The following NEK7 variants were observed in gnomAD, a reference collection of about 807,000 sequenced individuals.
The protein encoded by NEK7 is NIMA related kinase 7.
In NEK7, 18 loss-of-function variants were observed where a neutral mutation model predicts 44.6. The ratio of observed to expected loss-of-function variants is 0.40; its 90% CI spans 0.28 to 0.60. The LOEUF is 0.60. Among genes scored for constraint, NEK7 ranks in the 20% least tolerant of loss-of-function variants. NEK7 has a pLI of 0.38. For missense variants in NEK7, 256 were observed against 366.5 expected (o/e 0.70, Z 2.46); for synonymous variants, 130 against 121.1 (o/e 1.07, Z -0.48).
At position 198,184,840 on chromosome 1, in the gene NEK7, AATTT is replaced by A. The variant is rs543627297; in HGVS notation, c.-29+27590_-29+27593del. Among the ~76,000 whole-genome samples, 6 of 151,724 alleles carry A rather than the reference AATTT, an allele frequency of 4.0e-5. 1 individual carries two copies. The South Asian group carries it at 6.2e-4, about 16-fold the overall frequency. On this transcript the variant is annotated intron_variant, in intron 1 of 9. Transcript: ENST00000367385. ...CACACCACTATGCCTGGCTAATTGA[AATTT>A]ATTTATTTATTTATTTATTTATTTA...
intron 5 of NEK7, among the ~76,000 whole-genome samples, chr1:198,266,332 C>T (rs1653653273): frequency 6.6e-6 from 1 of 152,058 alleles, no homozygotes; most frequent in African/African-American, 2.4e-5. Flanking sequence ...AAATTAGTCC[C>T]TTAAATAGTT....
At chr1:198,222,834 T>C (rs1166127728) in intron 1 of NEK7, among the ~76,000 whole-genome samples, 3 of 149,816 alleles carry the variant, frequency 2.0e-5, no homozygotes, top group Non-Finnish European at 4.4e-5. Flanking sequence ...CAAATTGTTA[T>C]AATTGCTGTG....
At chr1:198,204,913 G>T (rs1665550074) in intron 1 of NEK7, among the ~76,000 whole-genome samples, 1 of 152,080 alleles carries the variant, frequency 6.6e-6, no homozygotes, top group Non-Finnish European at 1.5e-5. Context: ...GCCTGGGAGG[G>T]ATGTTTGTGC....
chr1:198,315,170 A>G (rs1424026671), intron 9 of NEK7, among the ~76,000 whole-genome samples: 1 of 152,180 alleles, frequency 6.6e-6, no homozygotes, highest in Non-Finnish European at 1.5e-5. Flanking sequence ...GGAAAAGCGC[A>G]GTATTCAGGT....
intron 7 of NEK7, among the ~76,000 whole-genome samples, chr1:198,284,154 T>A (rs1654298864): frequency 6.6e-6 from 1 of 152,194 alleles, no homozygotes. Context: ...GCACATGAGC[T>A]GTTCGTATTC....
intron 1 of NEK7, among the ~76,000 whole-genome samples, chr1:198,223,275 G>A (rs977688872): frequency 6.6e-6 from 1 of 152,200 alleles, no homozygotes; most frequent in Non-Finnish European, 1.5e-5. Flanking sequence ...GAGACATGAT[G>A]ATAACTTGTA....
intron 1 of NEK7, among the ~76,000 whole-genome samples, chr1:198,169,122 T>TA (rs1205958911): frequency 6.6e-6 from 1 of 152,212 alleles, no homozygotes; most frequent in East Asian, 1.9e-4. Context: ...TGTTAGTTTT[T>TA]AAAAAAATCT....
At chr1:198,292,589 G>T (rs551524796) in intron 7 of NEK7, among the ~76,000 whole-genome samples, 9 of 151,630 alleles carry the variant, frequency 5.9e-5, no homozygotes, top group Non-Finnish European at 1.2e-4. Context: ...AATTATTTGG[G>T]ATATTCAAGC....
intron 1 of NEK7, among the ~76,000 whole-genome samples, chr1:198,191,539 T>G (rs2102767757): frequency 6.6e-6 from 1 of 152,184 alleles, no homozygotes; most frequent in Admixed American, 6.5e-5. Flanking sequence ...CTAAGTTGTA[T>G]GCATTGTACA....
chr1:198,215,202 A>G (rs1032181874), intron 1 of NEK7, among the ~76,000 whole-genome samples: 9 of 152,222 alleles, frequency 5.9e-5, no homozygotes, highest in Admixed American at 5.2e-4. Flanking sequence ...CAAAAGGTTG[A>G]TATGCATGAG....
At chr1:198,228,050 G>A (rs933693806) in intron 1 of NEK7, among the ~76,000 whole-genome samples, 2 of 152,138 alleles carry the variant, frequency 1.3e-5, no homozygotes, top group African/African-American at 4.8e-5. Context: ...TTTGTATAAG[G>A]TGTAAGGAAG....
At chr1:198,286,307 C>A (rs1258057459) in intron 7 of NEK7, among the ~76,000 whole-genome samples, 1 of 152,028 alleles carries the variant, frequency 6.6e-6, no homozygotes, top group South Asian at 2.1e-4. Context: ...GTATACATTG[C>A]CTTATTAACC....
chr1:198,203,000 T>C (rs529561350), intron 1 of NEK7, among the ~76,000 whole-genome samples: 6 of 148,914 alleles, frequency 4.0e-5, no homozygotes, highest in Non-Finnish European at 7.6e-5. Flanking sequence ...CAGGCTAGAA[T>C]TGACATATTT....
At chr1:198,316,840 G>A (rs1655385293) in intron 9 of NEK7, among the ~76,000 whole-genome samples, 1 of 152,226 alleles carries the variant, frequency 6.6e-6, no homozygotes, top group Non-Finnish European at 1.5e-5. Flanking sequence ...AAAAGAGTCA[G>A]ATGGTTAGAA....
chr1:198,184,861 A>G (rs1013907353), intron 1 of NEK7, among the ~76,000 whole-genome samples: 3 of 151,740 alleles, frequency 2.0e-5, no homozygotes, highest in Non-Finnish European at 4.4e-5. Context: ...TTATTTATTT[A>G]TTTATTTAGC....
At chr1:198,254,254 C>T (rs142212171) in intron 3 of NEK7, among the ~76,000 whole-genome samples, 125 of 152,224 alleles carry the variant, frequency 8.2e-4, no homozygotes, top group African/African-American at 2.8e-3. Flanking sequence ...AAGAAATAAA[C>T]ATTAAAAATA....
At chr1:198,241,289 TAAAAC>T (rs137917428) in intron 2 of NEK7, among the ~76,000 whole-genome samples, 2,326 of 152,308 alleles carry the variant, frequency 0.015, 60 homozygotes, top group African/African-American at 0.054. Context: ...TAAATATTCA[TAAAAC>T]AAACACAAAT....
intron 1 of NEK7, among the ~76,000 whole-genome samples, chr1:198,195,875 ATTAAT>A (rs1187481034): frequency 6.6e-6 from 1 of 152,220 alleles, no homozygotes; most frequent in Non-Finnish European, 1.5e-5. Flanking sequence ...TATGATTTAT[ATTAAT>A]TTAATAAATA....
At chr1:198,169,247 T>G (rs1422481711) in intron 1 of NEK7, among the ~76,000 whole-genome samples, 1 of 152,220 alleles carries the variant, frequency 6.6e-6, no homozygotes, top group Non-Finnish European at 1.5e-5. Context: ...AATAGGTAGC[T>G]AAATGAGATG....
Sources: allele counts gnomAD v4.1 joint callset (sites outside exome capture counted in the v4.1 genomes callset), GRCh38; gene constraint gnomAD v4.1.1; transcripts MANE v1.5; gene names NCBI Gene and HGNC (gene_info 2026-07-23, HGNC 2026-07-21).